The following CTNND2 variants were observed in gnomAD, a reference collection of about 807,000 sequenced individuals.
CTNND2 encodes catenin delta-2.
A neutral mutation model predicts 144.4 loss-of-function variants in CTNND2; 22 were observed. The observed-to-expected ratio is 0.15, with a 90% CI of 0.11 to 0.22. The LOEUF (loss-of-function observed/expected upper bound fraction) is 0.22. Ranked by LOEUF, CTNND2 falls within the 10% of genes least tolerant of loss-of-function variation. The pLI is 1.00. For missense variants in CTNND2, 1,353 were observed against 1,618.8 expected, an observed-to-expected ratio of 0.84 and a Z score of 2.82; for synonymous variants, 751 against 695.6, an observed-to-expected ratio of 1.08 and a Z score of -1.25.
intron 9 of CTNND2, among the ~76,000 whole-genome samples, chr5:11,300,260 G>A (rs1022784584): frequency 7.9e-5 from 12 of 152,078 alleles, no homozygotes; most frequent in African/African-American, 2.9e-4. Context: ...AAGGGAATGA[G>A]GATAAGAACC....
rs374395352 is a variant in CTNND2, at chr5:11,240,756, T to A, written c.1629-3933A>T. Reference sequence around the variant, plus strand: ...CACACACACACCCAACACACACACATCCAACAGACAAATACATTCAGCACA... The same window carrying A: ...CACACACACACCCAACACACACACAACCAACAGACAAATACATTCAGCACA... On this transcript the variant is annotated intron_variant, in intron 9 of 21. Coordinates refer to ENST00000304623, the MANE Select transcript of CTNND2 (RefSeq NM_001332.4). Among the ~76,000 whole-genome samples, 258 of 69,562 alleles carry A rather than the reference T, an allele frequency of 3.7e-3. 3 individuals carry two copies. The highest frequency in any genetic ancestry group is 0.014 in the Middle Eastern group (1 of 74). The allele number at this position is 69,562 out of a possible 152,430, so 45.6% of individuals were successfully genotyped here. A position where few individuals can be genotyped will look rare whatever the true frequency, so the allele number is the denominator to read the frequency against.
chr5:11,754,257 T>G (rs1242227562), intron 1 of CTNND2, among the ~76,000 whole-genome samples: 1 of 151,772 alleles, frequency 6.6e-6, no homozygotes, highest in African/African-American at 2.4e-5. Context: ...TCTCTAGGTG[T>G]GATGTTAGGT....
chr5:11,250,455 TGCTCTCTC>T lies in CTNND2; in HGVS notation c.1629-13640_1629-13633del, dbSNP rs1332159286. ...GAAAGTTTGCGGTGAATTTAAAGGGTGCTCTCTCTCTCTCTCTCTCTCTCTCTCTCTCT... is the reference window on the plus strand; with the variant it reads ...GAAAGTTTGCGGTGAATTTAAAGGGTTCTCTCTCTCTCTCTCTCTCTCTCT... On this transcript the variant is annotated intron_variant, in intron 9 of 21. Transcript: ENST00000304623. Among the ~76,000 whole-genome samples the T allele has an allele frequency of 2.2e-4, 16 of 72,980 alleles. No individual in the cohort carries two copies. The South Asian group carries it at 4.0e-3, about 18-fold the overall frequency. 47.9% of individuals were successfully genotyped at this position (72,980 alleles called of 152,430 possible).
intron 2 of CTNND2, among the ~76,000 whole-genome samples, chr5:11,691,536 C>T (rs1481530099): frequency 6.6e-6 from 1 of 151,820 alleles, no homozygotes; most frequent in East Asian, 1.9e-4. Flanking sequence ...TTTGAAAAAT[C>T]AGTTTCATCT....
chr5:11,548,685 C>T (rs16901736), intron 3 of CTNND2, among the ~76,000 whole-genome samples: 22,390 of 152,126 alleles, frequency 0.15, 2,037 homozygotes, highest in East Asian at 0.28. Context: ...TCAGGAACAA[C>T]GAAGGAAGTT....
chr5:11,872,329 C>T (rs1314398348), intron 1 of CTNND2, among the ~76,000 whole-genome samples: 15 of 152,164 alleles, frequency 9.9e-5, no homozygotes, highest in South Asian at 8.3e-4. Flanking sequence ...TTGTGAATAG[C>T]GCTGCAATAA....
intron 2 of CTNND2, among the ~76,000 whole-genome samples, chr5:11,568,813 G>A (rs1459711231): frequency 6.6e-6 from 1 of 152,200 alleles, no homozygotes; most frequent in East Asian, 1.9e-4. Flanking sequence ...TGGAAAATTT[G>A]AGATGAAACA....
chr5:11,199,175 G>A lies in CTNND2; in HGVS notation c.1975+273C>T, dbSNP rs372456135. Among the ~76,000 whole-genome samples, 30 of 152,230 alleles carry A rather than the reference G, an allele frequency of 2.0e-4. No individual in the cohort carries two copies. In the East Asian group the frequency reaches 4.1e-3, roughly 21 times the overall value. ...TAATAAAGAGCCCTGGGTATTGTAC[G>A]ATGCTCAACTACTACTTCATCCACT... is the stretch of plus-strand genomic sequence containing the variant. On this transcript the variant is annotated intron_variant, in intron 11 of 21. Coordinates refer to ENST00000304623, the MANE Select transcript of CTNND2 (RefSeq NM_001332.4).
At chr5:11,311,812 ACC>A (rs1750916391) in intron 9 of CTNND2, among the ~76,000 whole-genome samples, 1 of 110,420 alleles carries the variant, frequency 9.1e-6, no homozygotes. Flanking sequence ...CTCCCCATAC[ACC>A]CTCAGCCCAC....
In CTNND2 at chr5:11,526,325, C is replaced by T. The variant is rs6863748; in HGVS notation, c.287+38619G>A. Among the ~76,000 whole-genome samples the T allele has an allele frequency of 6.8e-3, 1,041 of 152,280 alleles. 8 individuals are homozygous for T. Among genetic ancestry groups the T allele is most frequent in the East Asian group, 0.02 (103 of 5,182 alleles). ...TGGTGATGTTTTTGTGACCAGAAGC[C>T]GCCATACAAACTTAACTCTTGTTTA... On this transcript the variant is annotated intron_variant, in intron 3 of 21. Transcript: ENST00000304623.
chr5:11,788,141 C>A (rs1005309776), intron 1 of CTNND2, among the ~76,000 whole-genome samples: 1 of 152,038 alleles, frequency 6.6e-6, no homozygotes, highest in African/African-American at 2.4e-5. Flanking sequence ...TTTGACCAAC[C>A]GTAGCCTTAA....
chr5:11,816,129 C>T (rs1387022386), intron 1 of CTNND2, among the ~76,000 whole-genome samples: 2 of 152,316 alleles, frequency 1.3e-5, no homozygotes, highest in East Asian at 3.9e-4. Context: ...CTGCCACTTG[C>T]CTCCTGTCTG....
chr5:11,528,032 C>T (rs979355073), intron 3 of CTNND2, among the ~76,000 whole-genome samples: 1 of 152,102 alleles, frequency 6.6e-6, no homozygotes, highest in African/African-American at 2.4e-5. Context: ...ATTTAAAAAA[C>T]CCATGCAGTA....
chr5:11,438,786 C>T (rs1392954272), intron 3 of CTNND2, among the ~76,000 whole-genome samples: 1 of 152,120 alleles, frequency 6.6e-6, no homozygotes, highest in Non-Finnish European at 1.5e-5. Context: ...TTCCGAAAGA[C>T]ATGCTTCGAT....
chr5:11,082,978 G>T, intron 15 of CTNND2, 132 bp from the exon 16 acceptor site: 1 of 991,784 alleles, frequency 1.0e-6, no homozygotes, highest in Non-Finnish European at 1.5e-6. Flanking sequence ...GTTGTAGAAT[G>T]GGTTGAATAC....
chr5:11,628,188 CA>C (rs1255018171), intron 2 of CTNND2, among the ~76,000 whole-genome samples: 3 of 151,800 alleles, frequency 2.0e-5, no homozygotes, highest in Non-Finnish European at 2.9e-5. Context: ...TGGGTAAATC[CA>C]AAAAGACAGA....
chr5:11,736,071 G>A (rs1398537924), intron 1 of CTNND2, among the ~76,000 whole-genome samples: 2 of 152,084 alleles, frequency 1.3e-5, no homozygotes, highest in Non-Finnish European at 2.9e-5. Flanking sequence ...TCACATAAGT[G>A]GGCCCAGAAC....
intron 10 of CTNND2, among the ~76,000 whole-genome samples, chr5:11,228,847 A>C: frequency 6.6e-6 from 1 of 152,180 alleles, no homozygotes; most frequent in Non-Finnish European, 1.5e-5. Context: ...AAAGCAAGCT[A>C]TCAGTACACT....
rs774610481 is a variant in CTNND2, at chr5:11,441,368, A to ATT, written c.288-29301_288-29300dup. Among the ~76,000 whole-genome samples, 80 of 98,766 alleles carry ATT rather than the reference A, an allele frequency of 8.1e-4. 1 individual carries two copies. The highest frequency in any genetic ancestry group is 2.5e-3 in the South Asian group (7 of 2,822). 64.8% of individuals were successfully genotyped at this position (98,766 alleles called of 152,430 possible). On this transcript the variant is annotated intron_variant, in intron 3 of 21. Transcript: ENST00000304623. Reference sequence around the variant, plus strand: ...AAAGTGTTCAATTCTCCAATGTGGGATTTTTTTTTTTTTTTTTTTTTTTTT... The same window carrying ATT: ...AAAGTGTTCAATTCTCCAATGTGGGATTTTTTTTTTTTTTTTTTTTTTTTTTT...
Sources: allele counts gnomAD v4.1 joint callset (sites outside exome capture counted in the v4.1 genomes callset), GRCh38; gene constraint gnomAD v4.1.1; transcripts MANE v1.5; gene names NCBI Gene and HGNC (gene_info 2026-07-23, HGNC 2026-07-21).